The following CAMK1D variants were observed in gnomAD, a reference collection of about 807,000 sequenced individuals.
The protein encoded by CAMK1D is calcium/calmodulin-dependent protein kinase type 1D.
In CAMK1D, 9 loss-of-function variants were observed where a neutral mutation model predicts 47.7. That is an observed-to-expected ratio of 0.19 (90% CI 0.11 to 0.33). The LOEUF (loss-of-function observed/expected upper bound fraction) is 0.33, where lower values mean the gene tolerates loss of function less well. CAMK1D is among the 10% of genes least tolerant of loss of function. The pLI is 1.00. For missense variants in CAMK1D, 291 were observed against 488.7 expected (o/e 0.60, Z 3.81); for synonymous variants, 184 against 184.9 (o/e 0.99, Z 0.04).
chr10:12,739,442 ATTTTTTT>A (rs1186963710), intron 3 of CAMK1D, among the ~76,000 whole-genome samples: 23 of 127,730 alleles, frequency 1.8e-4, no homozygotes, highest in African/African-American at 3.3e-4. Context: ...CACCCGGCTA[ATTTTTTT>A]TTTTTTTTTT....
chr10:12,593,317 C>T (rs1303329247), intron 2 of CAMK1D, among the ~76,000 whole-genome samples: 2 of 152,156 alleles, frequency 1.3e-5, no homozygotes, highest in Non-Finnish European at 2.9e-5. Flanking sequence ...AGGCTGTCTG[C>T]GCTGACTCAT....
intron 2 of CAMK1D, among the ~76,000 whole-genome samples, chr10:12,560,712 A>G (rs11593127): frequency 0.48 from 72,346 of 151,456 alleles, 18,428 homozygotes; most frequent in Non-Finnish European, 0.58. Flanking sequence ...GATCAATCTG[A>G]GCTGCTTAGA....
At chr10:12,771,176 C>T (rs1837021676) in intron 5 of CAMK1D, among the ~76,000 whole-genome samples, 1 of 152,178 alleles carries the variant, frequency 6.6e-6, no homozygotes, top group Non-Finnish European at 1.5e-5. Flanking sequence ...GTGATCCGCC[C>T]ACCTCAGCCT....
At chr10:12,361,138 G>C (rs1050941489) in intron 1 of CAMK1D, among the ~76,000 whole-genome samples, 6 of 152,134 alleles carry the variant, frequency 3.9e-5, no homozygotes, top group Non-Finnish European at 8.8e-5. Context: ...AGCATGGTCA[G>C]TAAAAATGGA....
chr10:12,563,575 A>G (rs111329834), intron 2 of CAMK1D, among the ~76,000 whole-genome samples: 201 of 152,148 alleles, frequency 1.3e-3, no homozygotes, highest in African/African-American at 4.1e-3. Context: ...AGGCCAGTCA[A>G]GTTGACACAT....
Position 12,357,515 on chromosome 10 carries a change from C to T in CAMK1D, c.92+7605C>T, listed in dbSNP as rs950257142. The stretch of plus-strand genomic sequence containing the variant: ...ATTTTTGGTAGAGATTATGTTTCAA[C>T]GTGTTGCCCAGGCTGGTCTAAAACT... On this transcript the variant is annotated intron_variant, in intron 1 of 10. Transcript: ENST00000619168. Among the ~76,000 whole-genome samples, 8 of 152,120 alleles carry T rather than the reference C, an allele frequency of 5.3e-5. No homozygotes were observed. The East Asian group carries it at 1.5e-3, about 29-fold the overall frequency.
chr10:12,617,908 A>G (rs1227980478), intron 2 of CAMK1D, among the ~76,000 whole-genome samples: 2 of 152,228 alleles, frequency 1.3e-5, no homozygotes, highest in African/African-American at 4.8e-5. Context: ...TAATTTTATT[A>G]AATAGCCAAA....
chr10:12,698,243 A>G (rs1833373349), intron 3 of CAMK1D, among the ~76,000 whole-genome samples: 1 of 152,228 alleles, frequency 6.6e-6, no homozygotes, highest in Non-Finnish European at 1.5e-5. Flanking sequence ...TGAAATTTAA[A>G]AATAGCCTCA....
chr10:12,804,339 C>T (rs1003982864), intron 6 of CAMK1D, among the ~76,000 whole-genome samples: 13 of 152,222 alleles, frequency 8.5e-5, no homozygotes, highest in East Asian at 3.9e-4. Flanking sequence ...CGAGGCCAGG[C>T]GCAGTGGCTC....
At chr10:12,818,516 C>T (rs937407421) in intron 8 of CAMK1D, among the ~76,000 whole-genome samples, 1 of 151,906 alleles carries the variant, frequency 6.6e-6, no homozygotes, top group African/African-American at 2.4e-5. Flanking sequence ...ACTAAAAATA[C>T]AAAAATTAGC....
intron 1 of CAMK1D, among the ~76,000 whole-genome samples, chr10:12,518,391 T>A (rs11525302): frequency 0.53 from 79,335 of 151,006 alleles, 21,124 homozygotes; most frequent in South Asian, 0.68. Context: ...TGTCTCATAC[T>A]TGGGCTTAGG....
intron 2 of CAMK1D, among the ~76,000 whole-genome samples, chr10:12,556,891 A>G (rs1836779140): frequency 6.6e-6 from 1 of 152,148 alleles, no homozygotes; most frequent in South Asian, 2.1e-4. Context: ...TCTGGTGGAG[A>G]AATGAAGAAG....
chr10:12,744,370 A>G (rs749710842), intron 3 of CAMK1D, among the ~76,000 whole-genome samples: 16 of 152,194 alleles, frequency 1.1e-4, no homozygotes, highest in Non-Finnish European at 1.6e-4. Flanking sequence ...TCATCCCATA[A>G]TGCTATAGTT....
intron 2 of CAMK1D, among the ~76,000 whole-genome samples, chr10:12,553,853 A>C (rs1836672169): frequency 1.3e-5 from 2 of 152,166 alleles, no homozygotes; most frequent in South Asian, 4.1e-4. Context: ...TATTTATAAT[A>C]AGGTGATGAA....
Position 12,590,169 on chromosome 10 carries a change from T to G in CAMK1D, c.224+36813T>G, listed in dbSNP as rs1029707385. Reference sequence around the variant, plus strand: ...ATTTCTTGCTGCGGAGTTAATGATATGCATATCTTTACTTCTCAACTAGAG... The same window carrying G: ...ATTTCTTGCTGCGGAGTTAATGATAGGCATATCTTTACTTCTCAACTAGAG... On this transcript the variant is annotated intron_variant, in intron 2 of 10. Coordinates refer to ENST00000619168, the MANE Select transcript of CAMK1D (RefSeq NM_153498.4). 4.6e-5 allele frequency among the ~76,000 whole-genome samples: 7 copies of G among 152,308 alleles called. No individual in the cohort carries two copies. The East Asian group carries it at 9.6e-4, about 21-fold the overall frequency.
intron 5 of CAMK1D, among the ~76,000 whole-genome samples, chr10:12,777,378 T>TTC (rs1325121127): frequency 6.9e-6 from 1 of 145,830 alleles, no homozygotes; most frequent in Admixed American, 6.8e-5. Context: ...TTTTTTTTTT[T>TTC]TTTTTTTTTT....
At chr10:12,508,574 G>A (rs931978554) in intron 1 of CAMK1D, among the ~76,000 whole-genome samples, 1 of 152,212 alleles carries the variant, frequency 6.6e-6, no homozygotes, top group Non-Finnish European at 1.5e-5. Context: ...CGGCGGTGAT[G>A]GTTGGACAAC....
chr10:12,508,108 G>A (rs770625748), intron 1 of CAMK1D, among the ~76,000 whole-genome samples: 11 of 152,174 alleles, frequency 7.2e-5, no homozygotes, highest in Non-Finnish European at 1.3e-4. Context: ...CTAGGAAGAC[G>A]ATTCCCAAAT....
At chr10:12,826,149 G>A (rs867671898) in intron 10 of CAMK1D, 1,601 of 158,190 alleles carry the variant, frequency 0.01, 28 homozygotes, top group African/African-American at 0.032. Context: ...AAAAAAAAAA[G>A]AAAAATCATT....
Sources: allele counts gnomAD v4.1 joint callset (sites outside exome capture counted in the v4.1 genomes callset), GRCh38; gene constraint gnomAD v4.1.1; transcripts MANE v1.5; gene names NCBI Gene and HGNC (gene_info 2026-07-23, HGNC 2026-07-21).